The following GNG7 variants were observed in gnomAD, a reference collection of about 807,000 sequenced individuals.
GNG7 encodes guanine nucleotide-binding protein G(I)/G(S)/G(O) subunit gamma-7.
Under a neutral mutation model 4.0 loss-of-function variants are expected in GNG7, and 1 was observed. The observed-to-expected ratio is 0.25, with a 90% CI of 0.09 to 1.18. GNG7 has a LOEUF of 1.18. GNG7 is among the 50% of genes most tolerant of loss of function. The pLI is 0.50. For missense variants in GNG7, 86 were observed against 91.9 expected (o/e 0.94, Z 0.26); for synonymous variants, 34 against 36.9 (o/e 0.92, Z 0.29).
intron 1 of GNG7, among the ~76,000 whole-genome samples, chr19:2,657,711 G>GA (rs1416238018): frequency 3.3e-5 from 5 of 151,902 alleles, no homozygotes; most frequent in Non-Finnish European, 5.9e-5. Context: ...TTCTGTTTTG[G>GA]AAAAATTTTC....
chr19:2,566,010 T>C (rs1170802152), intron 2 of GNG7, among the ~76,000 whole-genome samples: 3 of 151,530 alleles, frequency 2.0e-5, no homozygotes, highest in Non-Finnish European at 4.4e-5. Context: ...ATACAAAAAT[T>C]AGTCAGGCGT....
intron 2 of GNG7, among the ~76,000 whole-genome samples, chr19:2,616,233 A>AC (rs1217397503): frequency 6.6e-6 from 1 of 151,750 alleles, no homozygotes; most frequent in Non-Finnish European, 1.5e-5. Flanking sequence ...AAATAGTGAG[A>AC]CCCCATCTCT....
At chr19:2,525,811 C>G (rs1413110714) in intron 3 of GNG7, among the ~76,000 whole-genome samples, 1 of 152,024 alleles carries the variant, frequency 6.6e-6, no homozygotes, top group Admixed American at 6.6e-5. Context: ...AGCAAGTGCT[C>G]TGCCTCTTTT....
intron 2 of GNG7, among the ~76,000 whole-genome samples, chr19:2,596,675 A>C (rs8104793): frequency 0.75 from 110,296 of 146,214 alleles, 41,383 homozygotes; most frequent in Admixed American, 0.79. Flanking sequence ...TCCCCCCCCC[A>C]AAAAAAAAAG....
intron 2 of GNG7, among the ~76,000 whole-genome samples, chr19:2,564,235 C>G (rs1036980812): frequency 6.6e-6 from 1 of 152,166 alleles, no homozygotes; most frequent in African/African-American, 2.4e-5. Flanking sequence ...ATGAAATCAT[C>G]ATCCTGTTTG....
intron 2 of GNG7, among the ~76,000 whole-genome samples, chr19:2,615,673 C>T (rs1247485800): frequency 6.6e-6 from 1 of 151,864 alleles, no homozygotes; most frequent in Non-Finnish European, 1.5e-5. Context: ...CCATGTTAGC[C>T]AGGATGGTCT....
In GNG7 at chr19:2,522,365, C is replaced by T. The variant is rs145850118; in HGVS notation, c.-37-1640G>A. ...GGCGTCTGTGAGCAGTTAATTAAGC[C>T]GCACCCTGTCTCTGTCATAACTCAT... is the stretch of plus-strand genomic sequence containing the variant. On this transcript the variant is annotated intron_variant, in intron 3 of 4. Transcript: ENST00000382159. Among the ~76,000 whole-genome samples, 625 of 152,226 alleles carry T rather than the reference C, an allele frequency of 4.1e-3. 3 individuals are homozygous for T. The highest frequency in any genetic ancestry group is 0.014 in the African/African-American group (583 of 41,534).
At chr19:2,672,480 T>C (rs1249818496) in intron 1 of GNG7, among the ~76,000 whole-genome samples, 1 of 150,492 alleles carries the variant, frequency 6.6e-6, no homozygotes, top group Non-Finnish European at 1.5e-5. Flanking sequence ...AGAGTCTCAC[T>C]CTGTCATCCA....
intron 3 of GNG7, among the ~76,000 whole-genome samples, chr19:2,527,241 G>A (rs1279590314): frequency 2.0e-5 from 3 of 152,180 alleles, no homozygotes; most frequent in Non-Finnish European, 2.9e-5. Flanking sequence ...CCTCCAGGGC[G>A]ACGTCACCTG....
At position 2,653,741 on chromosome 19, in the gene GNG7, C is replaced by T. The variant is rs146773378; in HGVS notation, c.-134-7461G>A. On this transcript the variant is annotated intron_variant, in intron 1 of 4. Coordinates refer to ENST00000382159, the MANE Select transcript of GNG7 (RefSeq NM_052847.3). This position sits in a 1 kb window ranked among gnomAD's most constrained non-coding sequence, Gnocchi z 4.8. ...GCCTTGAATTTCTGCCCTCTGGCCT[C>T]CCCTGTCCTCATCCTTATGGGATCT... 6.6e-6 allele frequency among the ~76,000 whole-genome samples: 1 copy of T among 152,170 alleles called. No individual in the cohort carries two copies. The highest frequency in any genetic ancestry group is 6.5e-5 in the Admixed American group (1 of 15,272).
intron 2 of GNG7, among the ~76,000 whole-genome samples, chr19:2,635,062 G>A (rs915574020): frequency 4.6e-5 from 7 of 152,218 alleles, no homozygotes; most frequent in African/African-American, 1.7e-4. Flanking sequence ...GAGCCGGATT[G>A]TTCTCTGGGG....
intron 2 of GNG7, among the ~76,000 whole-genome samples, chr19:2,620,105 G>A (rs545214846): frequency 6.6e-6 from 1 of 151,834 alleles, no homozygotes; most frequent in Admixed American, 6.6e-5. Flanking sequence ...GCTGAGGCAG[G>A]AGAATTGCTT....
chr19:2,539,955 T>G (rs1362867237), intron 3 of GNG7, among the ~76,000 whole-genome samples: 1 of 144,546 alleles, frequency 6.9e-6, no homozygotes, highest in Non-Finnish European at 1.5e-5. Context: ...CTTCCTGCCT[T>G]CCTTCCTTCC....
At chr19:2,594,451 A>T in intron 2 of GNG7, among the ~76,000 whole-genome samples, 1 of 135,122 alleles carries the variant, frequency 7.4e-6, no homozygotes, top group Non-Finnish European at 1.6e-5. Context: ...AGGAAGGAGG[A>T]AGAAAGAAAC....
intron 1 of GNG7, among the ~76,000 whole-genome samples, chr19:2,694,080 A>G (rs1264984744): frequency 6.6e-6 from 1 of 152,128 alleles, no homozygotes; most frequent in African/African-American, 2.4e-5. Context: ...GGATAAAATT[A>G]TCTTCCTTTC....
intron 2 of GNG7, among the ~76,000 whole-genome samples, chr19:2,576,980 G>A (rs529923186): frequency 1.7e-4 from 26 of 152,320 alleles, no homozygotes; most frequent in Admixed American, 3.3e-4. Flanking sequence ...CTCTGTGCCC[G>A]GCCTGAATTT....
At position 2,609,024 on chromosome 19, in the gene GNG7, C is replaced by T. The variant is rs1232329148; in HGVS notation, c.-78+37200G>A. Among the ~76,000 whole-genome samples, 1 of 151,808 alleles carries T rather than the reference C, an allele frequency of 6.6e-6. No homozygotes were observed. The highest frequency in any genetic ancestry group is 1.5e-5 in the Non-Finnish European group (1 of 68,002). On this transcript the variant is annotated intron_variant, in intron 2 of 4. Coordinates refer to ENST00000382159, the MANE Select transcript of GNG7 (RefSeq NM_052847.3). The surrounding 1 kb of genome is among the most constrained non-coding windows in gnomAD (Gnocchi z 4.4). ...GTTCTTGTACATTCTCTCTCTCTCT[C>T]TCTCTCTCTTTTTTTGTTTTGAGAC...
chr19:2,644,052 G>T (rs1274958224), intron 2 of GNG7, among the ~76,000 whole-genome samples: 2 of 151,348 alleles, frequency 1.3e-5, no homozygotes, highest in African/African-American at 2.4e-5. Flanking sequence ...ATGGAGTCTC[G>T]CTCTGTCGCC....
intron 1 of GNG7, among the ~76,000 whole-genome samples, chr19:2,668,065 A>G (rs1371053395): frequency 6.6e-6 from 1 of 152,230 alleles, no homozygotes; most frequent in Non-Finnish European, 1.5e-5. Context: ...TGGGTTAATG[A>G]AGATGTATCA....
Sources: gnomAD v4.1 joint callset for allele counts (sites outside exome capture counted in the v4.1 genomes callset) on GRCh38, gnomAD v4.1.1 for gene constraint, Gnocchi (gnomAD v3.1) non-coding constraint, MANE v1.5 for transcripts, NCBI Gene and HGNC (gene_info 2026-07-23, HGNC 2026-07-21) for gene names.